The following ARID1B variants were observed in gnomAD, a reference collection of about 807,000 sequenced individuals.
ARID1B encodes AT-rich interactive domain-containing protein 1B.
A neutral mutation model predicts 212.3 loss-of-function variants in ARID1B; 30 were observed. That is an observed-to-expected ratio of 0.14 (90% CI 0.11 to 0.19). The LOEUF (loss-of-function observed/expected upper bound fraction) is 0.19, where lower values mean the gene tolerates loss of function less well. Among genes scored for constraint, ARID1B ranks in the 10% least tolerant of loss-of-function variants. ARID1B has a pLI of 1.00. For missense variants in ARID1B, 2,891 were observed against 3,204.0 expected, an observed-to-expected ratio of 0.90 and a Z score of 2.36; for synonymous variants, 1,402 against 1,301.7, an observed-to-expected ratio of 1.08 and a Z score of -1.66.
intron 13 of ARID1B, among the ~76,000 whole-genome samples, chr6:157,187,592 T>A (rs1793059944): frequency 6.6e-6 from 1 of 152,214 alleles, no homozygotes; most frequent in Non-Finnish European, 1.5e-5. Context: ...CCATGCTGTC[T>A]GAAGTGTGTG....
intron 1 of ARID1B, among the ~76,000 whole-genome samples, chr6:156,820,094 G>A (rs1054853407): frequency 1.3e-5 from 2 of 152,148 alleles, no homozygotes; most frequent in Non-Finnish European, 2.9e-5. Context: ...AGGAGCCTGT[G>A]GATGTCTGGG....
chr6:157,208,126 T>G lies in ARID1B; in HGVS notation c.*235T>G. ...CCTTTGGGGTTTTTTTTTTCTCTTT[T>G]TTTTAACCAAAGTTGCTGTCTAGTG... On this transcript the variant is annotated 3_prime_UTR_variant, in exon 20 of 20. Transcript: ENST00000636930. 9.5e-6 allele frequency: 4 copies of G among 420,986 alleles called. No homozygotes were observed. The highest frequency in any genetic ancestry group is 6.5e-4 in the Middle Eastern group (1 of 1,536). 26.1% of individuals were successfully genotyped at this position (420,986 alleles called of 1,614,324 possible).
In ARID1B at chr6:156,950,163, TG is replaced by T. The variant is rs201367031; in HGVS notation, c.2247+14589del. On this transcript the variant is annotated intron_variant, in intron 4 of 19. Coordinates refer to ENST00000636930, the MANE Select transcript of ARID1B (RefSeq NM_001374828.1). ...ACCCTCCCTTGCTCATTTCAGCTCA[TG>T]GTATTACTAGTGAGTAGCAAGATCA... Among the ~76,000 whole-genome samples the T allele has an allele frequency of 2.7e-3, 416 of 152,332 alleles. 4 individuals carry two copies. In the East Asian group the frequency reaches 0.032, roughly 12 times the overall value.
chr6:157,145,471 C>T (rs777456707), intron 7 of ARID1B, among the ~76,000 whole-genome samples: 17 of 152,110 alleles, frequency 1.1e-4, no homozygotes, highest in African/African-American at 3.9e-4. Context: ...GTGGCCCGTG[C>T]GTCGCCTGTA....
intron 4 of ARID1B, among the ~76,000 whole-genome samples, chr6:156,995,947 A>G (rs1778561139): frequency 6.6e-6 from 1 of 152,212 alleles, no homozygotes. Context: ...TTGAGTGATG[A>G]GAAGAGTCCT....
chr6:157,095,504 C>T (rs150839328), intron 5 of ARID1B, among the ~76,000 whole-genome samples: 269 of 152,272 alleles, frequency 1.8e-3, no homozygotes, highest in African/African-American at 5.4e-3. Flanking sequence ...AGAGAGCACC[C>T]GTGTCCAAGA....
Position 156,779,206 on chromosome 6 carries a change from C to T in ARID1B, c.1526C>T (p.Pro509Leu), listed in dbSNP as rs1472867924. ...TPTLNQLLTS[P>L]SPMMRSYGGS... ...ACCCTCAATCAGCTGCTCACCTCGC[C>T]CAGCCCCATGATGCGGAGCTACGGC... The change falls in exon 1 of 20, where the codon CCC becomes CTC. Residue 509 changes from proline (P) to leucine (L), a missense_variant. This residue lies in a region of ARID1B where 1,643 missense variants were observed against 1,544.0 expected (regional missense o/e 1.06). Transcript: ENST00000636930. 1 of 1,329,446 alleles carries T rather than the reference C, an allele frequency of 7.5e-7. No homozygotes were observed. The highest frequency in any genetic ancestry group is 9.7e-7 in the Non-Finnish European group (1 of 1,031,302). The allele number at this position is 1,329,446 out of a possible 1,614,324, so 82.4% of individuals were successfully genotyped here.
At chr6:156,788,848 AT>A (rs1361031698) in intron 1 of ARID1B, among the ~76,000 whole-genome samples, 8 of 152,178 alleles carry the variant, frequency 5.3e-5, no homozygotes, top group African/African-American at 1.9e-4. Flanking sequence ...ACAAAATGTA[AT>A]TCTATTATGA....
At chr6:156,806,713 C>G (rs1408903826) in intron 1 of ARID1B, among the ~76,000 whole-genome samples, 5 of 152,200 alleles carry the variant, frequency 3.3e-5, no homozygotes, top group Non-Finnish European at 7.3e-5. Context: ...CACACTGTTG[C>G]TGTGGTGTGT....
chr6:157,076,520 A>C (rs1337013828), intron 4 of ARID1B, among the ~76,000 whole-genome samples: 1 of 126,344 alleles, frequency 7.9e-6, no homozygotes, highest in African/African-American at 2.6e-5. Context: ...ACTACTGAAG[A>C]AATGAATGTC....
intron 4 of ARID1B, among the ~76,000 whole-genome samples, chr6:157,053,116 C>T (rs972374768): frequency 6.7e-6 from 1 of 150,070 alleles, no homozygotes; most frequent in Non-Finnish European, 1.5e-5. Flanking sequence ...GACGGAGTCT[C>T]ACTCTGTAGC....
intron 4 of ARID1B, among the ~76,000 whole-genome samples, chr6:156,996,756 A>G (rs1778613927): frequency 6.6e-6 from 1 of 152,226 alleles, no homozygotes; most frequent in East Asian, 1.9e-4. Flanking sequence ...TTTTTGCTGT[A>G]TAACAATTAA....
intron 7 of ARID1B, among the ~76,000 whole-genome samples, chr6:157,140,400 G>A (rs949367551): frequency 6.6e-6 from 1 of 151,444 alleles, no homozygotes; most frequent in Non-Finnish European, 1.5e-5. Context: ...AACCCGGGAG[G>A]CGGAGGTTGC....
chr6:157,035,234 G>C (rs1159288673), intron 4 of ARID1B, among the ~76,000 whole-genome samples: 2 of 152,148 alleles, frequency 1.3e-5, no homozygotes. Context: ...TTCTTGCAAA[G>C]TTAAACTGTA....
intron 1 of ARID1B, among the ~76,000 whole-genome samples, chr6:156,818,098 A>ATTTTTTTT (rs71027317): frequency 1.6e-5 from 1 of 61,322 alleles, no homozygotes; most frequent in Non-Finnish European, 2.9e-5. Context: ...TAGTTGCCCT[A>ATTTTTTTT]TTTTTTTTTT....
At chr6:157,185,250 T>C (rs528257351) in intron 13 of ARID1B, 2 of 152,390 alleles carry the variant, frequency 1.3e-5, no homozygotes, top group South Asian at 4.1e-4. Flanking sequence ...GGGGAAGAAA[T>C]TGGCACCTTA....
rs553440804 is a variant in ARID1B at position 157,066,909 on chromosome 6, A to C, written c.2248-17753A>C. ...CCTTTGGTGTGGGAGTAGAAAGGAGAAAAACATGTATTAGAGGAGTGGACT... is the reference window on the plus strand; with the variant it reads ...CCTTTGGTGTGGGAGTAGAAAGGAGCAAAACATGTATTAGAGGAGTGGACT... On this transcript the variant is annotated intron_variant, in intron 4 of 19. Transcript: ENST00000636930. Among the ~76,000 whole-genome samples the C allele has an allele frequency of 1.8e-3, 281 of 151,968 alleles. 2 individuals are homozygous for C. The highest frequency in any genetic ancestry group is 6.6e-3 in the African/African-American group (274 of 41,462).
At chr6:157,160,985 C>T (rs181790818) in intron 8 of ARID1B, among the ~76,000 whole-genome samples, 1 of 152,326 alleles carries the variant, frequency 6.6e-6, no homozygotes, top group East Asian at 1.9e-4. Context: ...GGTTGTTTGA[C>T]TTTGGTTGTG....
rs1370276287 is a variant in ARID1B at position 156,777,972 on chromosome 6, A to G, written c.292A>G (p.Ser98Gly). The stretch of plus-strand genomic sequence containing the variant: ...CGCCGCGGCCGCCGCCGGCACCCAC[A>G]GCGCCAAGAGCGGCGGCTCCGAGGC... ...AGAAAAAGTH[S>G]AKSGGSEAAL... Residue 98 changes from serine to glycine, a missense_variant, in exon 1 of 20, where the codon AGC (serine) becomes GGC (glycine). Ser to Gly is a moderately conservative substitution (Grantham distance 56, BLOSUM62 0). Transcript: ENST00000636930. 1 of 1,529,914 alleles carries G rather than the reference A, an allele frequency of 6.5e-7. No individual in the cohort carries two copies. Among genetic ancestry groups the G allele is most frequent in the Non-Finnish European group, 8.7e-7 (1 of 1,144,644 alleles). 94.8% of individuals were successfully genotyped at this position (1,529,914 alleles called of 1,614,324 possible). A position where few individuals can be genotyped will look rare whatever the true frequency, so the allele number is the denominator to read the frequency against.
Sources: allele counts gnomAD v4.1 joint callset (sites outside exome capture counted in the v4.1 genomes callset), GRCh38; gene constraint gnomAD v4.1.1; regional missense constraint gnomAD v4.1.1; transcripts MANE v1.5; gene names NCBI Gene and HGNC (gene_info 2026-07-23, HGNC 2026-07-21).